The following NEK10 variants were observed in gnomAD, a reference collection of about 807,000 sequenced individuals.
NEK10 encodes NIMA related kinase 10.
Under a neutral mutation model 159.8 loss-of-function variants are expected in NEK10, and 122 were observed. That is an observed-to-expected ratio of 0.76 (90% CI 0.66 to 0.89). NEK10 has a LOEUF of 0.89. Ranked by LOEUF, NEK10 falls within the 40% of genes least tolerant of loss-of-function variation. The pLI is 0.00. For synonymous variants in NEK10, 466 were observed against 457.1 expected (o/e 1.02, Z -0.25); for missense variants, 1,342 against 1,323.1 (o/e 1.01, Z -0.22).
At chr3:27,217,340 C>T (rs964913406) in intron 23 of NEK10, among the ~76,000 whole-genome samples, 1 of 152,162 alleles carries the variant, frequency 6.6e-6, no homozygotes, top group Middle Eastern at 3.2e-3. Flanking sequence ...GGCGCACAGG[C>T]TATAGAAGAG....
At chr3:27,341,706 C>T (rs1313807691) in intron 5 of NEK10, among the ~76,000 whole-genome samples, 4 of 151,992 alleles carry the variant, frequency 2.6e-5, no homozygotes, top group Non-Finnish European at 5.9e-5. Context: ...GGAGTAATCA[C>T]AAATCAATCT....
intron 1 of NEK10, among the ~76,000 whole-genome samples, chr3:27,360,916 C>T (rs1033917711): frequency 4.6e-5 from 7 of 152,192 alleles, no homozygotes; most frequent in Non-Finnish European, 8.8e-5. Flanking sequence ...AAGCAATTTT[C>T]TATTTTATAT....
intron 14 of NEK10, among the ~76,000 whole-genome samples, chr3:27,296,424 A>G (rs1370442708): frequency 6.6e-6 from 1 of 152,174 alleles, no homozygotes; most frequent in Non-Finnish European, 1.5e-5. Context: ...AATCTGGCCA[A>G]CTTCAGATGC....
intron 12 of NEK10, 107 bp downstream of exon 12, chr3:27,304,640 C>T (rs572519345): frequency 1.4e-6 from 1 of 711,208 alleles, no homozygotes; most frequent in East Asian, 2.7e-5. Context: ...CAAAGAAATC[C>T]CAAAGCAGGA....
intron 1 of NEK10, among the ~76,000 whole-genome samples, chr3:27,362,026 A>G (rs1039177842): frequency 6.6e-6 from 1 of 152,208 alleles, no homozygotes; most frequent in Non-Finnish European, 1.5e-5. Context: ...GGCAAATACA[A>G]TGGATTAAAT....
At chr3:27,131,816 T>G in intron 32 of NEK10, 64 bp downstream of exon 32, 1 of 842,150 alleles carries the variant, frequency 1.2e-6, no homozygotes, top group South Asian at 1.6e-5. Context: ...AAAGGAGGTA[T>G]AAAATGTACC....
intron 25 of NEK10, among the ~76,000 whole-genome samples, chr3:27,193,698 A>T: frequency 7.7e-6 from 1 of 130,040 alleles, no homozygotes; most frequent in Non-Finnish European, 1.5e-5. Context: ...AAATCCCACT[A>T]TTTTTCCAGG....
intron 28 of NEK10, among the ~76,000 whole-genome samples, chr3:27,174,055 C>T (rs529164350): frequency 5.9e-5 from 9 of 152,162 alleles, no homozygotes; most frequent in African/African-American, 1.9e-4. Context: ...TAAAATTGCA[C>T]AAAAATTAGT....
In NEK10 at chr3:27,168,572, C is replaced by T. The variant is rs575207280; in HGVS notation, c.2831+3247G>A. On this transcript the variant is annotated intron_variant, in intron 29 of 35. Coordinates refer to ENST00000691995, the MANE Select transcript of NEK10 (RefSeq NM_001394966.1). ...GAGTCAAAAGTTATTAATTTTCTCT[C>T]CTCTTATTTGGCATAAATCAAAGGC... Among the ~76,000 whole-genome samples the T allele has an allele frequency of 9.5e-4, 145 of 152,150 alleles. 1 individual carries two copies. The highest frequency in any genetic ancestry group is 1.2e-3 in the Non-Finnish European group (81 of 68,022).
At chr3:27,299,830 C>A (rs1289856669) in intron 13 of NEK10, among the ~76,000 whole-genome samples, 1 of 152,164 alleles carries the variant, frequency 6.6e-6, no homozygotes, top group Non-Finnish European at 1.5e-5. Context: ...CCTGTAGCCC[C>A]CCTTTGTTTT....
At chr3:27,284,761 G>C (rs1385432288) in intron 21 of NEK10, 57 bp from the exon 22 acceptor site, 3 of 1,519,782 alleles carry the variant, frequency 2.0e-6, no homozygotes, top group Non-Finnish European at 2.7e-6. Context: ...TATAGCCAAA[G>C]ATGACTACTG....
intron 25 of NEK10, among the ~76,000 whole-genome samples, chr3:27,195,976 TGAAGTTAAGG>T (rs1301030833): frequency 6.6e-6 from 1 of 152,110 alleles, no homozygotes; most frequent in Non-Finnish European, 1.5e-5. Flanking sequence ...AACAAGCCCA[TGAAGTTAAGG>T]GAGGAGACCA....
intron 30 of NEK10, among the ~76,000 whole-genome samples, chr3:27,147,952 T>C (rs976114488): frequency 2.0e-5 from 3 of 152,234 alleles, no homozygotes; most frequent in African/African-American, 7.2e-5. Flanking sequence ...ATGCATTGAA[T>C]AAAACTCAGA....
intron 3 of NEK10, among the ~76,000 whole-genome samples, chr3:27,351,576 A>G (rs371870577): frequency 6.6e-6 from 1 of 152,154 alleles, no homozygotes; most frequent in African/African-American, 2.4e-5. Flanking sequence ...ACGAACTATC[A>G]TTATTTGGCT....
At chr3:27,145,055 G>A (rs1944164600) in intron 30 of NEK10, among the ~76,000 whole-genome samples, 1 of 151,400 alleles carries the variant, frequency 6.6e-6, no homozygotes, top group African/African-American at 2.4e-5. Flanking sequence ...ATAACATTTT[G>A]TCTAGCTTTA....
At chr3:27,156,602 A>G (rs1313208208) in intron 30 of NEK10, among the ~76,000 whole-genome samples, 3 of 152,094 alleles carry the variant, frequency 2.0e-5, no homozygotes, top group Non-Finnish European at 4.4e-5. Context: ...CCAAAATGCG[A>G]TACCACCTTA....
chr3:27,358,785 T>A (rs1019199438), intron 1 of NEK10, among the ~76,000 whole-genome samples: 3 of 152,258 alleles, frequency 2.0e-5, no homozygotes, highest in Non-Finnish European at 4.4e-5. Context: ...GTCATTTGAA[T>A]CATTATGGTA....
intron 30 of NEK10, among the ~76,000 whole-genome samples, chr3:27,156,935 T>C (rs1290484240): frequency 4.3e-4 from 7 of 16,198 alleles, no homozygotes; most frequent in Non-Finnish European, 6.7e-4. Context: ...AACTGATATA[T>C]ATATATATAT....
chr3:27,174,374 G>A, intron 28 of NEK10, 65 bp downstream of exon 28: 1 of 1,602,292 alleles, frequency 6.2e-7, no homozygotes, highest in South Asian at 1.1e-5. Flanking sequence ...CTTGACTCAA[G>A]TATGATTTCC....
Sources: gnomAD v4.1 joint callset for allele counts (sites outside exome capture counted in the v4.1 genomes callset) on GRCh38, gnomAD v4.1.1 for gene constraint, MANE v1.5 for transcripts, NCBI Gene and HGNC (gene_info 2026-07-23, HGNC 2026-07-21) for gene names.